Variants in ZMYM2 observed in about 807,000 individuals in gnomAD.
ZMYM2 encodes zinc finger MYM-type containing 2, also known as zinc finger MYM-type protein 2.
In ZMYM2, 56 loss-of-function variants were observed where a neutral mutation model predicts 162.8. The ratio of observed to expected loss-of-function variants is 0.34; its 90% CI spans 0.28 to 0.43. The LOEUF (loss-of-function observed/expected upper bound fraction) is 0.43, where lower values mean the gene tolerates loss of function less well. ZMYM2 is among the 20% of genes least tolerant of loss of function. The pLI is 1.00. For synonymous variants in ZMYM2, 510 were observed against 541.6 expected (o/e 0.94, Z 0.81); for missense variants, 1,275 against 1,621.8 (o/e 0.79, Z 3.67).
rs532647042 is a variant in ZMYM2 at position 19,967,879 on chromosome 13, T to G, written c.-11+7853T>G. Among the ~76,000 whole-genome samples the G allele has an allele frequency of 3.3e-5, 5 of 152,292 alleles. No individual in the cohort carries two copies. In the East Asian group the frequency reaches 9.6e-4, roughly 29 times the overall value. ...GCTGCCACCACCTGGTATGGTAAAC[T>G]TAGTGTGTGCTTATCTGGTAATGAC... On this transcript the variant is annotated intron_variant, in intron 2 of 24. Transcript: ENST00000610343.
At chr13:19,908,871 AG>A in the ZMYM2 span, among the ~76,000 whole-genome samples, 5 of 152,228 alleles carry the variant, frequency 3.3e-5, no homozygotes, top group South Asian at 4.1e-4. Context: ...GTCAGTGAAA[AG>A]GCAAATAAAG....
At chr13:19,941,575 T>C in the ZMYM2 span, among the ~76,000 whole-genome samples, 2 of 152,230 alleles carry the variant, frequency 1.3e-5, no homozygotes, top group East Asian at 3.9e-4. Flanking sequence ...CCTAATTTTA[T>C]AACCAATTGG....
chr13:20,083,591 G>A, intron 23 of ZMYM2, 65 bp from the exon 24 acceptor site: 2 of 1,258,762 alleles, frequency 1.6e-6, no homozygotes, highest in South Asian at 2.8e-5. Flanking sequence ...ACAGACACTA[G>A]GAGTGATGTT....
chr13:20,035,497 T>C (rs1261248535), intron 11 of ZMYM2, among the ~76,000 whole-genome samples: 2 of 152,210 alleles, frequency 1.3e-5, no homozygotes, highest in East Asian at 3.8e-4. Context: ...TCTGAATTAG[T>C]CTTTTTACAT....
the ZMYM2 span, among the ~76,000 whole-genome samples, chr13:19,910,033 G>A: frequency 6.9e-6 from 1 of 145,014 alleles, no homozygotes; most frequent in South Asian, 2.3e-4. Context: ...GGCCAACATG[G>A]TGAAACCCCC....
chr13:20,000,757 C>T (rs954466844), intron 3 of ZMYM2, among the ~76,000 whole-genome samples: 5 of 152,214 alleles, frequency 3.3e-5, no homozygotes, highest in Non-Finnish European at 1.5e-5. Context: ...ATACCTGCTA[C>T]CACAATATTC....
the ZMYM2 span, among the ~76,000 whole-genome samples, chr13:19,924,018 A>G: frequency 3.3e-5 from 5 of 152,086 alleles, no homozygotes; most frequent in Non-Finnish European, 5.9e-5. Flanking sequence ...GTGCCCGACC[A>G]TGGGACCTTA....
intron 2 of ZMYM2, among the ~76,000 whole-genome samples, chr13:19,961,275 C>G (rs1955182178): frequency 6.6e-6 from 1 of 152,082 alleles, no homozygotes; most frequent in African/African-American, 2.4e-5. Flanking sequence ...TCACGAAAAC[C>G]CAGTGATGTT....
chr13:19,987,572 CGTGTGTGTGTGT>C (rs36128018), intron 2 of ZMYM2, among the ~76,000 whole-genome samples: 6 of 133,330 alleles, frequency 4.5e-5, no homozygotes, highest in African/African-American at 1.4e-4. Context: ...CGCCCCGCTA[CGTGTGTGTGTGT>C]GTGTGTGTGT....
chr13:19,921,158 G>A, the ZMYM2 span, among the ~76,000 whole-genome samples: 1 of 150,992 alleles, frequency 6.6e-6, no homozygotes, highest in Non-Finnish European at 1.5e-5. Context: ...ATTTTATTTT[G>A]AGACGGAGTC....
intron 14 of ZMYM2, among the ~76,000 whole-genome samples, chr13:20,056,372 C>G (rs557486452): frequency 6.0e-4 from 91 of 152,320 alleles, no homozygotes; most frequent in African/African-American, 2.2e-3. Flanking sequence ...TGCCCCAGTT[C>G]ATTGCTGTGA....
At chr13:19,914,889 G>A in the ZMYM2 span, among the ~76,000 whole-genome samples, 1 of 152,160 alleles carries the variant, frequency 6.6e-6, no homozygotes, top group East Asian at 1.9e-4. Flanking sequence ...TTCCAGCTGG[G>A]GCAAGGTTCC....
chr13:20,036,081 C>A (rs995218746), intron 11 of ZMYM2, among the ~76,000 whole-genome samples: 4 of 152,012 alleles, frequency 2.6e-5, no homozygotes, highest in Admixed American at 2.6e-4. Context: ...TAGTAGATAA[C>A]ATGTAAGTCA....
chr13:19,917,339 T>G, the ZMYM2 span, among the ~76,000 whole-genome samples: 1 of 151,884 alleles, frequency 6.6e-6, no homozygotes, highest in Non-Finnish European at 1.5e-5. Flanking sequence ...CTGTAATCCC[T>G]GCACTTTGAG....
At chr13:20,078,477 C>T (rs970516685) in intron 21 of ZMYM2, among the ~76,000 whole-genome samples, 7 of 152,160 alleles carry the variant, frequency 4.6e-5, no homozygotes, top group African/African-American at 1.4e-4. Flanking sequence ...ATATTAGTGA[C>T]AATACTTGTC....
At chr13:20,028,569 G>A (rs1198460056) in intron 9 of ZMYM2, among the ~76,000 whole-genome samples, 4 of 152,158 alleles carry the variant, frequency 2.6e-5, no homozygotes, top group African/African-American at 7.2e-5. Flanking sequence ...CCATGGGCAA[G>A]TGGTACCAGG....
chr13:19,873,389 T>TTTATTTAA, the ZMYM2 span, among the ~76,000 whole-genome samples: 198 of 131,512 alleles, frequency 1.5e-3, 1 homozygote, highest in South Asian at 2.5e-3. Context: ...ATTTTATTTA[T>TTTATTTAA]TTATTTATTT....
intron 21 of ZMYM2, 71 bp from the exon 22 acceptor site, chr13:20,081,945 G>C: frequency 2.3e-6 from 2 of 887,596 alleles, no homozygotes; most frequent in East Asian, 2.9e-5. Context: ...GAAATACGGA[G>C]TGTAATATGT....
chr13:20,052,600 A>G lies in ZMYM2; in HGVS notation c.2493+289A>G, dbSNP rs149009654. On this transcript the variant is annotated intron_variant, in intron 14 of 24. Transcript: ENST00000610343. ...TAGATGCATCTTTAAGACAATGGCA[A>G]TAGTATGTTTGAAATTAAGACAATG... is the stretch of plus-strand genomic sequence containing the variant. 5.9e-3 allele frequency among the ~76,000 whole-genome samples: 904 copies of G among 152,222 alleles called. 7 individuals are homozygous for G. Among genetic ancestry groups the G allele is most frequent in the African/African-American group, 0.021 (854 of 41,562 alleles).
Sources: gnomAD v4.1 joint callset for allele counts (sites outside exome capture counted in the v4.1 genomes callset) on GRCh38, gnomAD v4.1.1 for gene constraint, MANE v1.5 for transcripts, NCBI Gene and HGNC (gene_info 2026-07-23, HGNC 2026-07-21) for gene names.